Variants in ENTREP2 observed in about 807,000 individuals in gnomAD.
The protein encoded by ENTREP2 is endosomal transmembrane epsin interactor 2, also known as protein ENTREP2.
chr15:29,269,445 C>G, the ENTREP2 span: 4 of 1,614,018 alleles, frequency 2.5e-6, no homozygotes, highest in African/African-American at 5.3e-5. Context: ...CGGACACTTT[C>G]AGCTCCAGCT....
the ENTREP2 span, chr15:29,124,725 T>C: frequency 6.5e-7 from 1 of 1,550,290 alleles, no homozygotes; most frequent in Non-Finnish European, 8.7e-7. Context: ...CGCTTCCAGG[T>C]CCTGGCTACA....
chr15:29,543,581 C>A, the ENTREP2 span, among the ~76,000 whole-genome samples: 4 of 152,206 alleles, frequency 2.6e-5, no homozygotes, highest in African/African-American at 9.6e-5. Context: ...GGAGTCGAGA[C>A]CAGCCTGGCC....
At chr15:29,495,071 T>C in the ENTREP2 span, among the ~76,000 whole-genome samples, 1 of 152,228 alleles carries the variant, frequency 6.6e-6, no homozygotes, top group African/African-American at 2.4e-5. Context: ...AGAAGTAGAA[T>C]TGTTGGATCA....
At chr15:29,541,606 G>C in the ENTREP2 span, among the ~76,000 whole-genome samples, 1 of 152,136 alleles carries the variant, frequency 6.6e-6, no homozygotes, top group Non-Finnish European at 1.5e-5. Context: ...CTCGGAGTCA[G>C]CTTAAGGGCA....
At chr15:29,479,648 G>T in the ENTREP2 span, among the ~76,000 whole-genome samples, 121 of 104,916 alleles carry the variant, frequency 1.2e-3, 3 homozygotes, top group Middle Eastern at 0.015. Flanking sequence ...CTCTCTCTCT[G>T]TCTGTCTCAC....
At chr15:29,472,550 C>T in the ENTREP2 span, among the ~76,000 whole-genome samples, 1 of 151,936 alleles carries the variant, frequency 6.6e-6, no homozygotes, top group Admixed American at 6.6e-5. Context: ...CTGCAACCTC[C>T]GCCTCCTGGG....
the ENTREP2 span, among the ~76,000 whole-genome samples, chr15:29,171,271 T>C: frequency 0.065 from 9,973 of 152,260 alleles, 1,107 homozygotes; most frequent in African/African-American, 0.23. Context: ...TTCTATCTTC[T>C]ATCATTAAAC....
the ENTREP2 span, among the ~76,000 whole-genome samples, chr15:29,456,234 T>C: frequency 6.6e-6 from 1 of 152,152 alleles, no homozygotes; most frequent in Non-Finnish European, 1.5e-5. Flanking sequence ...GTATTAATAG[T>C]AAATCTTGAC....
chr15:29,531,322 G>A, the ENTREP2 span, among the ~76,000 whole-genome samples: 4 of 152,130 alleles, frequency 2.6e-5, no homozygotes, highest in South Asian at 6.2e-4. Context: ...TTGCAGACAC[G>A]CCAGACTTTC....
At chr15:29,269,925 C>T in the ENTREP2 span, 1 of 489,758 alleles carries the variant, frequency 2.0e-6, no homozygotes, top group Non-Finnish European at 3.5e-6. Flanking sequence ...CCGTGCAGCC[C>T]TGCAGGTCCG....
the ENTREP2 span, among the ~76,000 whole-genome samples, chr15:29,664,417 G>C: frequency 6.6e-6 from 1 of 151,992 alleles, no homozygotes; most frequent in East Asian, 1.9e-4. Flanking sequence ...ATTTTCTGTA[G>C]TGGAAAGAGA....
the ENTREP2 span, among the ~76,000 whole-genome samples, chr15:29,471,591 A>C: frequency 6.6e-6 from 1 of 152,142 alleles, no homozygotes; most frequent in South Asian, 2.1e-4. Context: ...GCAAATGCTC[A>C]CCAGAGCCCA....
chr15:29,649,052 A>T, the ENTREP2 span, among the ~76,000 whole-genome samples: 1 of 145,134 alleles, frequency 6.9e-6, no homozygotes, highest in Non-Finnish European at 1.5e-5. Flanking sequence ...CAAAAGGGAC[A>T]CATGTACACA....
At chr15:29,518,718 A>T in the ENTREP2 span, among the ~76,000 whole-genome samples, 1 of 152,220 alleles carries the variant, frequency 6.6e-6, no homozygotes, top group Non-Finnish European at 1.5e-5. Flanking sequence ...GGGGAAACCC[A>T]CGCTGAAGGA....
At chr15:29,251,822 T>G in the ENTREP2 span, among the ~76,000 whole-genome samples, 2 of 151,958 alleles carry the variant, frequency 1.3e-5, no homozygotes, top group African/African-American at 2.4e-5. Context: ...ACAATGCTTC[T>G]TCTAACGTGG....
the ENTREP2 span, among the ~76,000 whole-genome samples, chr15:29,205,121 G>T: frequency 6.6e-6 from 1 of 152,208 alleles, no homozygotes; most frequent in South Asian, 2.1e-4. Flanking sequence ...TGTCTTCAAG[G>T]TTCATCCATG....
At chr15:29,576,325 G>A in the ENTREP2 span, among the ~76,000 whole-genome samples, 2 of 152,160 alleles carry the variant, frequency 1.3e-5, no homozygotes, top group African/African-American at 4.8e-5. Flanking sequence ...ATAATCAAAA[G>A]TTAACTCAAA....
chr15:29,276,736 A>G, the ENTREP2 span, among the ~76,000 whole-genome samples: 38,321 of 152,174 alleles, frequency 0.25, 8,681 homozygotes, highest in African/African-American at 0.61. Context: ...ATGAATTACT[A>G]AAGCATCTCC....
chr15:29,379,080 G>C, the ENTREP2 span, among the ~76,000 whole-genome samples: 1 of 152,174 alleles, frequency 6.6e-6, no homozygotes. Flanking sequence ...ATACACTTCC[G>C]TCTGCAGTGC....
Sources: allele counts gnomAD v4.1 joint callset (sites outside exome capture counted in the v4.1 genomes callset), GRCh38; gene constraint gnomAD v4.1.1; transcripts MANE v1.5; gene names NCBI Gene and HGNC (gene_info 2026-07-23, HGNC 2026-07-21).